LRRC7: variants seen among roughly 807,000 people sequenced by gnomAD.
LRRC7 encodes leucine-rich repeat-containing protein 7.
In LRRC7, 23 loss-of-function variants were observed where a neutral mutation model predicts 175.7. The ratio of observed to expected loss-of-function variants is 0.13; its 90% CI spans 0.09 to 0.19. The LOEUF is 0.19. Ranked by LOEUF, LRRC7 falls within the 10% of genes least tolerant of loss-of-function variation. The pLI is 1.00. For missense variants in LRRC7, 1,354 were observed against 1,904.7 expected (o/e 0.71, Z 5.38); for synonymous variants, 685 against 680.9 (o/e 1.01, Z -0.09).
intron 10 of LRRC7, 152 bp from the exon 11 acceptor site, chr1:69,994,409 C>T (rs571006484): frequency 1.6e-6 from 1 of 633,680 alleles, no homozygotes; most frequent in East Asian, 2.8e-5. Flanking sequence ...TTAGACTACA[C>T]ACAAACGTCA....
chr1:69,844,825 A>T lies in LRRC7; in HGVS notation c.647+6542A>T, dbSNP rs577769873. Among the ~76,000 whole-genome samples the T allele has an allele frequency of 9.2e-5, 14 of 152,308 alleles. No individual in the cohort carries two copies. In the South Asian group the frequency reaches 2.9e-3, roughly 32 times the overall value. On this transcript the variant is annotated intron_variant, in intron 7 of 26. Coordinates refer to ENST00000651989, the MANE Select transcript of LRRC7 (RefSeq NM_001370785.2). ...CATTTTCCAGTATAACAAAGGGAAC[A>T]TAAACATGTGTTTTAGAAATATATT...
At chr1:69,583,803 A>G (rs763657035) in intron 1 of LRRC7, among the ~76,000 whole-genome samples, 12 of 152,038 alleles carry the variant, frequency 7.9e-5, no homozygotes, top group African/African-American at 1.2e-4. Flanking sequence ...CTGTCTCTCA[A>G]TTTTTTTCTT....
intron 8 of LRRC7, among the ~76,000 whole-genome samples, chr1:69,938,725 A>G (rs997176809): frequency 6.6e-6 from 1 of 151,822 alleles, no homozygotes; most frequent in African/African-American, 2.4e-5. Flanking sequence ...GCTCATTTTT[A>G]ATTACCTAAA....
intron 2 of LRRC7, among the ~76,000 whole-genome samples, chr1:69,701,905 G>T (rs1294860412): frequency 1.3e-5 from 2 of 152,154 alleles, no homozygotes; most frequent in East Asian, 3.8e-4. Context: ...CTAAAGGAAA[G>T]ATTCCATTTT....
chr1:70,028,117 G>C (rs1331113601), intron 17 of LRRC7, 54 bp from the exon 18 acceptor site: 5 of 1,461,516 alleles, frequency 3.4e-6, no homozygotes, highest in Non-Finnish European at 4.8e-6. Context: ...ATAGTTTTGT[G>C]AACATGCTTG....
chr1:70,087,604 A>G (rs2102161532), intron 24 of LRRC7, among the ~76,000 whole-genome samples: 1 of 152,302 alleles, frequency 6.6e-6, no homozygotes, highest in African/African-American at 2.4e-5. Context: ...GATCAATATA[A>G]AAATACAAAG....
chr1:69,974,351 G>A (rs551776008), intron 8 of LRRC7, among the ~76,000 whole-genome samples: 1 of 152,226 alleles, frequency 6.6e-6, no homozygotes, highest in South Asian at 2.1e-4. Flanking sequence ...ATTTAGGTAG[G>A]ATAGTTGCTT....
chr1:69,979,876 C>T (rs1653239041), intron 8 of LRRC7, among the ~76,000 whole-genome samples: 1 of 151,684 alleles, frequency 6.6e-6, no homozygotes, highest in Non-Finnish European at 1.5e-5. Context: ...ATTACGTTTG[C>T]ACCAACCCAG....
intron 4 of LRRC7, among the ~76,000 whole-genome samples, chr1:69,805,664 G>A (rs1298076357): frequency 6.6e-6 from 1 of 151,810 alleles, no homozygotes; most frequent in East Asian, 1.9e-4. Context: ...AGTAAACTGA[G>A]GATTGACTCC....
chr1:70,034,735 C>T (rs1386787785), intron 18 of LRRC7, among the ~76,000 whole-genome samples: 2 of 152,208 alleles, frequency 1.3e-5, no homozygotes, highest in Non-Finnish European at 2.9e-5. Flanking sequence ...GTCTCAGAAC[C>T]CGCCTCTAGA....
chr1:69,716,930 G>T (rs370086037), intron 2 of LRRC7, among the ~76,000 whole-genome samples: 2 of 151,686 alleles, frequency 1.3e-5, no homozygotes, highest in Admixed American at 6.6e-5. Context: ...AATGTATCTC[G>T]AAAATTGTAA....
intron 4 of LRRC7, among the ~76,000 whole-genome samples, chr1:69,822,772 G>A (rs1391658549): frequency 6.6e-6 from 1 of 152,170 alleles, no homozygotes. Context: ...TCTTCAATGA[G>A]TCTACTCTCA....
At chr1:70,086,945 A>G (rs988781592) in intron 24 of LRRC7, among the ~76,000 whole-genome samples, 1 of 152,058 alleles carries the variant, frequency 6.6e-6, no homozygotes, top group African/African-American at 2.4e-5. Context: ...AGGTGGAACT[A>G]CTTATATGTG....
chr1:69,627,637 G>A (rs1651814856), intron 1 of LRRC7, among the ~76,000 whole-genome samples: 2 of 152,088 alleles, frequency 1.3e-5, no homozygotes, highest in African/African-American at 4.8e-5. Context: ...TTTTAGACAG[G>A]AAGTCCTTGC....
chr1:69,854,279 C>T (rs1683331788), intron 7 of LRRC7, among the ~76,000 whole-genome samples: 1 of 152,050 alleles, frequency 6.6e-6, no homozygotes, highest in African/African-American at 2.4e-5. Flanking sequence ...GGGAAGATCA[C>T]TTCAGGTCAG....
At chr1:69,849,347 A>G (rs1160203540) in intron 7 of LRRC7, among the ~76,000 whole-genome samples, 1 of 151,990 alleles carries the variant, frequency 6.6e-6, no homozygotes, top group Non-Finnish European at 1.5e-5. Flanking sequence ...ATTATAGTAA[A>G]AAGTCATTAA....
At chr1:69,639,768 A>G (rs567681625) in intron 1 of LRRC7, among the ~76,000 whole-genome samples, 2 of 151,830 alleles carry the variant, frequency 1.3e-5, no homozygotes, top group Non-Finnish European at 2.9e-5. Flanking sequence ...AAGAAATTAA[A>G]TTCCTGCCAG....
rs922188397 is a variant in LRRC7 at position 70,090,328 on chromosome 1, A to T, written c.4545+509A>T. 1.1e-4 allele frequency among the ~76,000 whole-genome samples: 17 copies of T among 152,078 alleles called. No homozygotes were observed. The East Asian group carries it at 2.5e-3, about 22-fold the overall frequency. ...AGAATTGAGAAACCACAGAAAACAA[A>T]TTTTTTATGAGAAAATCAGTTAGCA... On this transcript the variant is annotated intron_variant, in intron 25 of 26. Coordinates refer to ENST00000651989, the MANE Select transcript of LRRC7 (RefSeq NM_001370785.2).
chr1:69,753,386 C>T lies in LRRC7; in HGVS notation c.101-6805C>T, dbSNP rs141954459. 2.0e-5 allele frequency among the ~76,000 whole-genome samples: 3 copies of T among 150,992 alleles called. No homozygotes were observed. The East Asian group carries it at 5.9e-4, about 30-fold the overall frequency. On this transcript the variant is annotated intron_variant, in intron 2 of 26. Transcript: ENST00000651989. The stretch of plus-strand genomic sequence containing the variant: ...CTTATATGCTGATCTATAAATATTG[C>T]TATCAAGGTAATGCAGAGTCGGCTA...
Sources: gnomAD v4.1 joint callset for allele counts (sites outside exome capture counted in the v4.1 genomes callset) on GRCh38, gnomAD v4.1.1 for gene constraint, MANE v1.5 for transcripts, NCBI Gene and HGNC (gene_info 2026-07-23, HGNC 2026-07-21) for gene names.